FSTL5: variants seen among roughly 807,000 people sequenced by gnomAD.
The protein encoded by FSTL5 is follistatin like 5, also known as follistatin-related protein 5.
Under a neutral mutation model 89.1 loss-of-function variants are expected in FSTL5, and 62 were observed. That is an observed-to-expected ratio of 0.70 (90% CI 0.57 to 0.86). FSTL5 has a LOEUF of 0.86. Among genes scored for constraint, FSTL5 ranks in the 40% least tolerant of loss-of-function variants. FSTL5 has a pLI of 0.00. For synonymous variants in FSTL5, 383 were observed against 346.2 expected (o/e 1.11, Z -1.18); for missense variants, 1,057 against 1,001.6 (o/e 1.06, Z -0.75).
At chr4:162,078,178 C>T (rs931779727) in intron 2 of FSTL5, among the ~76,000 whole-genome samples, 2 of 151,788 alleles carry the variant, frequency 1.3e-5, no homozygotes, top group African/African-American at 2.4e-5. Context: ...AATCTGGATG[C>T]GGATATACCT....
chr4:161,524,394 C>T (rs1201537620), intron 10 of FSTL5, among the ~76,000 whole-genome samples: 2 of 152,104 alleles, frequency 1.3e-5, no homozygotes, highest in Non-Finnish European at 2.9e-5. Flanking sequence ...GGCACATCTT[C>T]TCATGACCTC....
chr4:162,026,077 G>A (rs982125355), intron 3 of FSTL5, among the ~76,000 whole-genome samples: 10 of 150,972 alleles, frequency 6.6e-5, no homozygotes, highest in Admixed American at 3.3e-4. Flanking sequence ...GTGATAGAAT[G>A]TATAATTTTT....
chr4:162,041,786 C>G (rs1179929832), intron 2 of FSTL5: 1 of 152,012 alleles, frequency 6.6e-6, no homozygotes, highest in Non-Finnish European at 1.5e-5. Flanking sequence ...GAATTTACCA[C>G]CAGAATTTTA....
At chr4:161,480,878 T>A (rs982337832) in intron 13 of FSTL5, 142 bp downstream of exon 13, 3 of 595,746 alleles carry the variant, frequency 5.0e-6, no homozygotes, top group Non-Finnish European at 8.8e-6. Flanking sequence ...AGAGAAGAGT[T>A]TGCAGAAAAT....
chr4:161,669,809 G>T (rs1260320096), intron 6 of FSTL5, among the ~76,000 whole-genome samples: 3 of 151,936 alleles, frequency 2.0e-5, no homozygotes, highest in Non-Finnish European at 4.4e-5. Context: ...GGAAAACCAA[G>T]ACCATTTATA....
intron 4 of FSTL5, among the ~76,000 whole-genome samples, chr4:161,859,091 A>G (rs1731820207): frequency 1.3e-5 from 2 of 152,164 alleles, no homozygotes; most frequent in African/African-American, 4.8e-5. Flanking sequence ...CTAGTTCCTT[A>G]GCAGACGATA....
chr4:161,726,548 G>T lies in FSTL5; in HGVS notation c.727+32863C>A, dbSNP rs185345501. On this transcript the variant is annotated intron_variant, in intron 6 of 15. Coordinates refer to ENST00000306100, the MANE Select transcript of FSTL5 (RefSeq NM_020116.5). ...TGGACAGGATGCAACTCTCAATACC[G>T]TAAACCTAGTTCTGAAAAAAGATCA... Among the ~76,000 whole-genome samples the T allele has an allele frequency of 5.4e-3, 821 of 152,008 alleles. 12 individuals are homozygous for T. The highest frequency in any genetic ancestry group is 0.019 in the African/African-American group (783 of 41,464).
At chr4:161,622,498 C>T (rs1359421525) in intron 7 of FSTL5, among the ~76,000 whole-genome samples, 1 of 151,616 alleles carries the variant, frequency 6.6e-6, no homozygotes, top group African/African-American at 2.4e-5. Flanking sequence ...AAAATACTAG[C>T]AATTGAAAGC....
chr4:161,491,202 A>G (rs1023939151), intron 12 of FSTL5, among the ~76,000 whole-genome samples: 1 of 152,070 alleles, frequency 6.6e-6, no homozygotes, highest in African/African-American at 2.4e-5. Flanking sequence ...AGAATTCACA[A>G]AACCTGAGCC....
chr4:161,756,771 A>T (rs985432813), intron 6 of FSTL5, among the ~76,000 whole-genome samples: 4 of 152,160 alleles, frequency 2.6e-5, no homozygotes, highest in African/African-American at 9.7e-5. Flanking sequence ...AAAATAACAG[A>T]TTACTCATTC....
chr4:161,411,544 A>G (rs1731591782), intron 15 of FSTL5, among the ~76,000 whole-genome samples: 1 of 152,222 alleles, frequency 6.6e-6, no homozygotes, highest in Non-Finnish European at 1.5e-5. Flanking sequence ...TATGCAGATA[A>G]GTAAGTGATA....
At position 161,674,903 on chromosome 4, in the gene FSTL5, T is replaced by A. The variant is rs117544816; in HGVS notation, c.728-18409A>T. 6.0e-3 allele frequency among the ~76,000 whole-genome samples: 910 copies of A among 152,238 alleles called. 9 individuals carry two copies. The highest frequency in any genetic ancestry group is 0.046 in the South Asian group (220 of 4,818). ...GCTTTCCTGTGCAGTGTTGCCACAC[T>A]TCGGGGGCTCCACTGGGGATGGAGA... On this transcript the variant is annotated intron_variant, in intron 6 of 15. Coordinates refer to ENST00000306100, the MANE Select transcript of FSTL5 (RefSeq NM_020116.5).
At chr4:161,679,023 AT>A (rs1344456147) in intron 6 of FSTL5, among the ~76,000 whole-genome samples, 1 of 151,758 alleles carries the variant, frequency 6.6e-6, no homozygotes, top group Non-Finnish European at 1.5e-5. Context: ...TTATCTTAGT[AT>A]TGAACACTTT....
intron 4 of FSTL5, among the ~76,000 whole-genome samples, chr4:161,788,993 C>T (rs1247196900): frequency 6.6e-6 from 1 of 152,122 alleles, no homozygotes; most frequent in Non-Finnish European, 1.5e-5. Context: ...TTCACATACA[C>T]ACCAGAATTG....
chr4:161,929,548 T>G (rs546334669), intron 3 of FSTL5, among the ~76,000 whole-genome samples: 3 of 151,754 alleles, frequency 2.0e-5, no homozygotes, highest in Non-Finnish European at 4.4e-5. Context: ...TGAATTTTTT[T>G]GTGGAATGTA....
chr4:161,621,307 A>ACACAC (rs1560983262), intron 7 of FSTL5, among the ~76,000 whole-genome samples: 30 of 126,758 alleles, frequency 2.4e-4, no homozygotes, highest in African/African-American at 8.4e-4. Context: ...CACACACACA[A>ACACAC]ACACAAAATT....
intron 1 of FSTL5, among the ~76,000 whole-genome samples, chr4:162,162,966 C>A (rs767956112): frequency 1.3e-5 from 2 of 152,318 alleles, no homozygotes; most frequent in South Asian, 4.1e-4. Context: ...AAACAGCCCC[C>A]AACTTGGAAA....
intron 6 of FSTL5, among the ~76,000 whole-genome samples, chr4:161,672,341 A>T (rs1404803489): frequency 6.6e-6 from 1 of 152,166 alleles, no homozygotes; most frequent in Non-Finnish European, 1.5e-5. Flanking sequence ...CGACCCAAGA[A>T]TATCTTTCTC....
intron 4 of FSTL5, among the ~76,000 whole-genome samples, chr4:161,881,995 G>T (rs940064913): frequency 8.6e-5 from 13 of 152,026 alleles, no homozygotes; most frequent in Non-Finnish European, 4.4e-5. Flanking sequence ...GCAATTTGAG[G>T]TTAGTTCCAA....
Sources: gnomAD v4.1 joint callset for allele counts (sites outside exome capture counted in the v4.1 genomes callset) on GRCh38, gnomAD v4.1.1 for gene constraint, MANE v1.5 for transcripts, NCBI Gene and HGNC (gene_info 2026-07-23, HGNC 2026-07-21) for gene names.